ERBIN: variants seen among roughly 807,000 people sequenced by gnomAD.
ERBIN encodes the protein erbb2 interacting protein.
A neutral mutation model predicts 158.4 loss-of-function variants in ERBIN; 60 were observed. The ratio of observed to expected loss-of-function variants is 0.38; its 90% CI spans 0.31 to 0.47. The LOEUF is 0.47. Ranked by LOEUF, ERBIN falls within the 20% of genes least tolerant of loss-of-function variation. The pLI is 0.99. For missense variants in ERBIN, 1,610 were observed against 1,648.0 expected (o/e 0.98, Z 0.40); for synonymous variants, 594 against 557.2 (o/e 1.07, Z -0.93).
At chr5:65,941,945 T>G (rs1246283598) in intron 1 of ERBIN, among the ~76,000 whole-genome samples, 3 of 152,164 alleles carry the variant, frequency 2.0e-5, no homozygotes, top group Non-Finnish European at 1.5e-5. Flanking sequence ...TTTCACCATG[T>G]TAGCCAGGAT....
At chr5:66,076,443 A>G (rs774530015) in intron 24 of ERBIN, 35 bp downstream of exon 24, 3 of 1,469,976 alleles carry the variant, frequency 2.0e-6, no homozygotes, top group Non-Finnish European at 1.9e-6. Flanking sequence ...AAACACCTAT[A>G]AAGTTTTATT....
chr5:66,021,821 C>G (rs1561386261), intron 8 of ERBIN, among the ~76,000 whole-genome samples: 1 of 152,010 alleles, frequency 6.6e-6, no homozygotes, highest in African/African-American at 2.4e-5. Context: ...AGTGAAACAA[C>G]TGTTATTTTT....
At chr5:65,991,531 G>A (rs1345043473) in intron 2 of ERBIN, among the ~76,000 whole-genome samples, 2 of 152,134 alleles carry the variant, frequency 1.3e-5, no homozygotes, top group African/African-American at 2.4e-5. Flanking sequence ...ATGTATTTGT[G>A]TGGTGTTTGA....
In ERBIN at chr5:66,081,670, AATT is replaced by A. The variant is rs1049631483; in HGVS notation, c.*3150_*3152del. ...TGTGGAAGAAGTGTAGTTTATCTCAAATTATTATTATTTACTTCTAAAGGGAGG... is the reference window on the plus strand; with the variant it reads ...TGTGGAAGAAGTGTAGTTTATCTCAAATTATTATTTACTTCTAAAGGGAGG... On this transcript the variant is annotated 3_prime_UTR_variant, in exon 26 of 26. Transcript: ENST00000284037. The A allele has an allele frequency of 1.2e-4, 18 of 152,158 alleles. No individual in the cohort carries two copies. The highest frequency in any genetic ancestry group is 3.6e-4 in the African/African-American group (15 of 41,540). 9.4% of individuals were successfully genotyped at this position (152,158 alleles called of 1,614,324 possible). A position where few individuals can be genotyped will look rare whatever the true frequency, so the allele number is the denominator to read the frequency against.
intron 9 of ERBIN, 31 bp from the exon 10 acceptor site, chr5:66,024,273 TAG>T (rs1454508474): frequency 5.1e-6 from 7 of 1,379,816 alleles, no homozygotes; most frequent in Middle Eastern, 2.5e-4. Flanking sequence ...CTAATGTTAA[TAG>T]AGTCATTAGA....
intron 21 of ERBIN, among the ~76,000 whole-genome samples, chr5:66,061,691 C>G (rs1329890351): frequency 6.6e-6 from 1 of 152,178 alleles, no homozygotes; most frequent in Non-Finnish European, 1.5e-5. Flanking sequence ...CCGGTTGTTC[C>G]TTTCCATGTT....
intron 9 of ERBIN, among the ~76,000 whole-genome samples, chr5:66,023,631 C>G (rs1452958958): frequency 1.3e-5 from 2 of 151,262 alleles, no homozygotes; most frequent in East Asian, 1.9e-4. Context: ...TTGCTTTGCC[C>G]AAGGAATTGG....
intron 2 of ERBIN, among the ~76,000 whole-genome samples, chr5:65,989,033 C>T (rs374848665): frequency 9.5e-5 from 6 of 63,078 alleles, no homozygotes; most frequent in South Asian, 7.8e-4. Context: ...TTTTCTGGGT[C>T]GACACTTTCT....
chr5:66,062,294 G>A (rs533535808), intron 21 of ERBIN, among the ~76,000 whole-genome samples: 36 of 151,656 alleles, frequency 2.4e-4, no homozygotes, highest in African/African-American at 3.6e-4. Context: ...CATTCATTTC[G>A]TCTTCCATCG....
chr5:66,015,310 C>T (rs1580353318), intron 7 of ERBIN, among the ~76,000 whole-genome samples: 1 of 152,166 alleles, frequency 6.6e-6, no homozygotes, highest in East Asian at 1.9e-4. Flanking sequence ...ACTGTGAATG[C>T]ATTGCTATAG....
intron 1 of ERBIN, among the ~76,000 whole-genome samples, chr5:65,927,019 T>A (rs1199660687): frequency 7.2e-6 from 1 of 139,440 alleles, no homozygotes; most frequent in Non-Finnish European, 1.6e-5. Flanking sequence ...ATCTGGACTT[T>A]GAATTTTTTG....
At chr5:66,035,633 G>GGT (rs1757319447) in intron 14 of ERBIN, among the ~76,000 whole-genome samples, 1 of 152,074 alleles carries the variant, frequency 6.6e-6, no homozygotes, top group Non-Finnish European at 1.5e-5. Context: ...GTGAGTGTAA[G>GGT]GTACACACTG....
chr5:66,075,320 T>A, intron 23 of ERBIN, 90 bp downstream of exon 23: 1 of 1,049,084 alleles, frequency 9.5e-7, no homozygotes, highest in Non-Finnish European at 1.4e-6. Context: ...CCATACAGAA[T>A]ATTAACGTAG....
chr5:66,026,324 C>G lies in ERBIN; in HGVS notation c.1043C>G (p.Thr348Ser). The change falls in exon 13 of 26, where the codon ACT (threonine) becomes AGT (serine). Residue 348 changes from threonine to serine, a missense_variant. Transcript: ENST00000284037. ...PPEIGSWKNI[T>S]VLFLHSNKLE... Reference sequence around the variant, plus strand: ...CAGATTGGAAGCTGGAAAAATATAACTGTGCTGTTTCTCCATTCCAATAAA... The same window carrying G: ...CAGATTGGAAGCTGGAAAAATATAAGTGTGCTGTTTCTCCATTCCAATAAA... The G allele has an allele frequency of 6.3e-7, 1 of 1,589,678 alleles. No homozygotes were observed. The highest frequency in any genetic ancestry group is 8.5e-7 in the Non-Finnish European group (1 of 1,170,426).
At chr5:65,977,904 C>T (rs571262079) in intron 1 of ERBIN, among the ~76,000 whole-genome samples, 142 of 148,882 alleles carry the variant, frequency 9.5e-4, no homozygotes, top group African/African-American at 3.4e-3. Context: ...TCTGCAATCC[C>T]GGCACCTCAG....
At chr5:66,076,769 G>A in intron 24 of ERBIN, 106 bp from the exon 25 acceptor site, 1 of 797,496 alleles carries the variant, frequency 1.3e-6, no homozygotes, top group East Asian at 2.5e-5. Context: ...GAGAAAACTT[G>A]TACCATGATT....
chr5:65,990,574 C>T (rs1442688821), intron 2 of ERBIN, among the ~76,000 whole-genome samples: 7 of 151,668 alleles, frequency 4.6e-5, no homozygotes, highest in African/African-American at 1.5e-4. Flanking sequence ...AGGAGAATGG[C>T]GTGAACCCGG....
chr5:65,966,471 G>A (rs769657608), intron 1 of ERBIN, among the ~76,000 whole-genome samples: 15 of 151,916 alleles, frequency 9.9e-5, no homozygotes, highest in Non-Finnish European at 8.8e-5. Context: ...ACCTGTGGTC[G>A]GAAGATTGAG....
intron 14 of ERBIN, among the ~76,000 whole-genome samples, chr5:66,029,758 C>T (rs1054212634): frequency 6.6e-6 from 1 of 152,100 alleles, no homozygotes; most frequent in Non-Finnish European, 1.5e-5. Context: ...GCATGTGCCG[C>T]CACTCCCAGC....
Sources: gnomAD v4.1 joint callset for allele counts (sites outside exome capture counted in the v4.1 genomes callset) on GRCh38, gnomAD v4.1.1 for gene constraint, MANE v1.5 for transcripts, NCBI Gene and HGNC (gene_info 2026-07-23, HGNC 2026-07-21) for gene names.